The following LRRTM3 variants were observed in gnomAD, a reference collection of about 807,000 sequenced individuals.
LRRTM3 encodes the protein leucine rich repeat transmembrane neuronal 3, also known as leucine-rich repeat transmembrane neuronal protein 3.
Under a neutral mutation model 44.7 loss-of-function variants are expected in LRRTM3, and 24 were observed. The ratio of observed to expected loss-of-function variants is 0.54; its 90% CI spans 0.39 to 0.76. LRRTM3 has a LOEUF of 0.76. LRRTM3 is among the 30% of genes least tolerant of loss of function. LRRTM3 has a pLI of 0.00. For synonymous variants in LRRTM3, 277 were observed against 278.7 expected (o/e 0.99, Z 0.06); for missense variants, 587 against 702.2 (o/e 0.84, Z 1.85).
chr10:66,949,711 C>A (rs772490138), intron 2 of LRRTM3, among the ~76,000 whole-genome samples: 1 of 152,122 alleles, frequency 6.6e-6, no homozygotes, highest in Non-Finnish European at 1.5e-5. Flanking sequence ...AATTAAAGTC[C>A]ATTTTCTTAT....
chr10:66,988,712 T>C (rs1314352803), intron 2 of LRRTM3, among the ~76,000 whole-genome samples: 3 of 152,138 alleles, frequency 2.0e-5, no homozygotes, highest in Non-Finnish European at 2.9e-5. Flanking sequence ...AGGTCACCTC[T>C]GAATACTAGG....
At chr10:66,953,581 G>GT (rs1554885541) in intron 2 of LRRTM3, among the ~76,000 whole-genome samples, 1 of 151,780 alleles carries the variant, frequency 6.6e-6, no homozygotes, top group African/African-American at 2.4e-5. Flanking sequence ...CATGGGTTTT[G>GT]TTTTTTTCTA....
At chr10:66,956,117 G>T (rs1168508455) in intron 2 of LRRTM3, among the ~76,000 whole-genome samples, 1 of 151,984 alleles carries the variant, frequency 6.6e-6, no homozygotes, top group Non-Finnish European at 1.5e-5. Flanking sequence ...CAAGGAAGAA[G>T]AACCTTTTTG....
chr10:66,964,524 A>G (rs1849297600), intron 2 of LRRTM3, among the ~76,000 whole-genome samples: 1 of 152,194 alleles, frequency 6.6e-6, no homozygotes, highest in Non-Finnish European at 1.5e-5. Flanking sequence ...TTCCTAAGGA[A>G]TGTGCTCAGC....
chr10:67,078,391 AAGAAAATGAT>A lies in LRRTM3; in HGVS notation c.1537-19195_1537-19186del, dbSNP rs1233598549. 3.9e-5 allele frequency among the ~76,000 whole-genome samples: 6 copies of A among 152,326 alleles called. No individual in the cohort carries two copies. The South Asian group carries it at 1.2e-3, about 32-fold the overall frequency. ...ATATTTGTTCTGTAAGGAAATGAGAAAGAAAATGATCAGAAAGAAAAATATTTGAGAGAGG... is the reference window on the plus strand; with the variant it reads ...ATATTTGTTCTGTAAGGAAATGAGAACAGAAAGAAAAATATTTGAGAGAGG... On this transcript the variant is annotated intron_variant, in intron 2 of 2. Coordinates refer to ENST00000361320, the MANE Select transcript of LRRTM3 (RefSeq NM_178011.5).
intron 2 of LRRTM3, among the ~76,000 whole-genome samples, chr10:67,022,549 A>C (rs575148096): frequency 9.8e-5 from 15 of 152,316 alleles, no homozygotes; most frequent in Middle Eastern, 3.4e-3. Flanking sequence ...CTATGCCTTC[A>C]AAAAAGTGAA....
intron 2 of LRRTM3, among the ~76,000 whole-genome samples, chr10:67,027,597 G>T (rs1853472683): frequency 6.6e-6 from 1 of 151,784 alleles, no homozygotes; most frequent in African/African-American, 2.4e-5. Flanking sequence ...ACCATGCCCA[G>T]CTAACTTTTT....
At chr10:67,010,377 G>A (rs895582010) in intron 2 of LRRTM3, among the ~76,000 whole-genome samples, 4 of 151,940 alleles carry the variant, frequency 2.6e-5, no homozygotes, top group Non-Finnish European at 2.9e-5. Context: ...AATATAAAAG[G>A]GTTTATCATT....
At chr10:66,968,047 G>T (rs185697299) in intron 2 of LRRTM3, among the ~76,000 whole-genome samples, 2 of 152,110 alleles carry the variant, frequency 1.3e-5, no homozygotes, top group African/African-American at 4.8e-5. Context: ...TATACTCTGA[G>T]CATGAAGTTA....
chr10:66,998,625 T>G (rs1207228737), intron 2 of LRRTM3, among the ~76,000 whole-genome samples: 1 of 152,082 alleles, frequency 6.6e-6, no homozygotes, highest in East Asian at 1.9e-4. Context: ...TAAAGAAGTT[T>G]CTATGGAACA....
At chr10:67,042,560 T>A (rs914489953) in intron 2 of LRRTM3, among the ~76,000 whole-genome samples, 1 of 151,560 alleles carries the variant, frequency 6.6e-6, no homozygotes, top group East Asian at 1.9e-4. Context: ...CAAGAACATA[T>A]AAGGTAAGAA....
intron 2 of LRRTM3, among the ~76,000 whole-genome samples, chr10:67,062,804 T>C (rs1329444888): frequency 6.6e-6 from 1 of 152,158 alleles, no homozygotes; most frequent in Non-Finnish European, 1.5e-5. Flanking sequence ...GGAAGGCAGA[T>C]GAGAAAGAAA....
At chr10:66,999,068 CA>C (rs1249758083) in intron 2 of LRRTM3, among the ~76,000 whole-genome samples, 1 of 151,968 alleles carries the variant, frequency 6.6e-6, no homozygotes, top group South Asian at 2.1e-4. Flanking sequence ...GAAGACAGGG[CA>C]AAAGTTAATA....
chr10:67,006,333 T>C (rs1490307580), intron 2 of LRRTM3, among the ~76,000 whole-genome samples: 1 of 152,150 alleles, frequency 6.6e-6, no homozygotes, highest in Non-Finnish European at 1.5e-5. Flanking sequence ...AGTATCTGTC[T>C]TACCAAATTG....
intron 2 of LRRTM3, among the ~76,000 whole-genome samples, chr10:67,058,014 C>T (rs1199512672): frequency 1.3e-5 from 2 of 152,154 alleles, no homozygotes; most frequent in African/African-American, 4.8e-5. Context: ...CAAAGTTCCC[C>T]ACATCATAGA....
At chr10:67,080,150 A>G (rs2095413390) in intron 2 of LRRTM3, among the ~76,000 whole-genome samples, 1 of 152,182 alleles carries the variant, frequency 6.6e-6, no homozygotes, top group Non-Finnish European at 1.5e-5. Flanking sequence ...TCGTTAAAAA[A>G]TTCCCTCTTC....
Position 66,967,200 on chromosome 10 carries a change from C to T in LRRTM3, c.1536+38748C>T, listed in dbSNP as rs149404326. ...TCTTATGTGTACAAGCACATACACG[C>T]ATACATTAGCCTTGACATAAACCAT... On this transcript the variant is annotated intron_variant, in intron 2 of 2. Coordinates refer to ENST00000361320, the MANE Select transcript of LRRTM3 (RefSeq NM_178011.5). 2.8e-3 allele frequency among the ~76,000 whole-genome samples: 427 copies of T among 152,050 alleles called. 5 individuals carry two copies. The highest frequency in any genetic ancestry group is 9.9e-3 in the African/African-American group (409 of 41,512).
At chr10:67,041,459 G>A (rs1854391677) in intron 2 of LRRTM3, among the ~76,000 whole-genome samples, 1 of 152,134 alleles carries the variant, frequency 6.6e-6, no homozygotes, top group Non-Finnish European at 1.5e-5. Context: ...ATATTGGAAA[G>A]GTAATCACCA....
At chr10:67,069,473 G>A (rs1044674456) in intron 2 of LRRTM3, among the ~76,000 whole-genome samples, 3 of 151,978 alleles carry the variant, frequency 2.0e-5, no homozygotes, top group Non-Finnish European at 2.9e-5. Context: ...TACATATCAT[G>A]ATGGTGAATA....
Sources: allele counts gnomAD v4.1 joint callset (sites outside exome capture counted in the v4.1 genomes callset), GRCh38; gene constraint gnomAD v4.1.1; transcripts MANE v1.5; gene names NCBI Gene and HGNC (gene_info 2026-07-23, HGNC 2026-07-21).